The following DESI2 variants were observed in gnomAD, a reference collection of about 807,000 sequenced individuals.
DESI2 encodes the protein desumoylating isopeptidase 2.
DESI2 carries 10 observed loss-of-function variants against 24.1 expected under a neutral mutation model. That is an observed-to-expected ratio of 0.41 (90% CI 0.26 to 0.70). The LOEUF is 0.70. Among genes scored for constraint, DESI2 ranks in the 30% least tolerant of loss-of-function variants. The pLI, the probability that DESI2 is intolerant of heterozygous loss-of-function variation, is 0.29. For synonymous variants in DESI2, 71 were observed against 87.7 expected, an observed-to-expected ratio of 0.81 and a Z score of 1.06; for missense variants, 122 against 234.9, an observed-to-expected ratio of 0.52 and a Z score of 3.14.
intron 1 of DESI2, among the ~76,000 whole-genome samples, chr1:244,654,177 C>T (rs1428522700): frequency 6.6e-6 from 1 of 152,166 alleles, no homozygotes; most frequent in African/African-American, 2.4e-5. Context: ...AAAAAGCACC[C>T]GGTAGAGAAT....
chr1:244,653,584 G>T (rs569390008), intron 1 of DESI2: 2 of 530,600 alleles, frequency 3.8e-6, no homozygotes, highest in Non-Finnish European at 6.5e-6. Context: ...AGCTCGGGTG[G>T]GCTTGAACCT....
rs1675515145 is a variant in DESI2 at position 244,653,159 on chromosome 1, C to T, written c.-155C>T. The T allele has an allele frequency of 8.6e-6, 6 of 697,322 alleles. No homozygotes were observed. The highest frequency in any genetic ancestry group is 4.5e-4 in the Middle Eastern group (1 of 2,226). 43.2% of individuals were successfully genotyped at this position (697,322 alleles called of 1,614,324 possible). A position where few individuals can be genotyped will look rare whatever the true frequency, so the allele number is the denominator to read the frequency against. On this transcript the variant is annotated 5_prime_UTR_variant, in exon 1 of 5. Transcript: ENST00000302550. ...CTGTCGGCGGCGCCCGGGAGCGGCT[C>T]GGCTGCCCGATGCTTCCGCCCCGGC...
intron 1 of DESI2, chr1:244,656,325 TC>T (rs1302944720): frequency 6.6e-6 from 1 of 152,242 alleles, no homozygotes; most frequent in Admixed American, 6.5e-5. Context: ...TTTCTTTTCT[TC>T]CATAACTCTG....
At chr1:244,678,830 GA>G (rs1676502764) in intron 1 of DESI2, among the ~76,000 whole-genome samples, 1 of 152,196 alleles carries the variant, frequency 6.6e-6, no homozygotes, top group Non-Finnish European at 1.5e-5. Context: ...ATCCGGAACA[GA>G]AACCTTTTGG....
At chr1:244,681,679 C>A (rs4328062) in intron 1 of DESI2, among the ~76,000 whole-genome samples, 5 of 152,120 alleles carry the variant, frequency 3.3e-5, no homozygotes, top group African/African-American at 1.2e-4. Context: ...ATGAACAACA[C>A]GTCTCAGTTT....
At chr1:244,693,012 TTC>T (rs1455543910) in intron 4 of DESI2, among the ~76,000 whole-genome samples, 1 of 152,196 alleles carries the variant, frequency 6.6e-6, no homozygotes, top group Non-Finnish European at 1.5e-5. Flanking sequence ...GGGAAGGTAG[TTC>T]TGAGCTTTCT....
At chr1:244,659,212 C>T (rs1675754259) in intron 1 of DESI2, among the ~76,000 whole-genome samples, 1 of 151,784 alleles carries the variant, frequency 6.6e-6, no homozygotes, top group African/African-American at 2.4e-5. Context: ...GTGGGGGAAG[C>T]TAGTATGTAT....
At chr1:244,690,135 A>T (rs1045314010) in intron 3 of DESI2, among the ~76,000 whole-genome samples, 1 of 152,170 alleles carries the variant, frequency 6.6e-6, no homozygotes, top group African/African-American at 2.4e-5. Context: ...TTTGTTACAT[A>T]GGTATCCATG....
At chr1:244,681,471 T>C (rs766438604) in intron 1 of DESI2, among the ~76,000 whole-genome samples, 16 of 151,794 alleles carry the variant, frequency 1.1e-4, no homozygotes, top group Non-Finnish European at 2.4e-4. Flanking sequence ...TCGTGGAAGA[T>C]GATTTTGCCA....
At chr1:244,687,027 A>G (rs1676850384) in intron 2 of DESI2, among the ~76,000 whole-genome samples, 1 of 152,222 alleles carries the variant, frequency 6.6e-6, no homozygotes, top group Admixed American at 6.5e-5. Flanking sequence ...CGAAAATAGC[A>G]TGATAAAAAC....
chr1:244,677,745 C>T (rs1438423437), intron 1 of DESI2, among the ~76,000 whole-genome samples: 1 of 152,052 alleles, frequency 6.6e-6, no homozygotes, highest in Non-Finnish European at 1.5e-5. Flanking sequence ...CGAGACCCTG[C>T]ATCCACAAAA....
rs1676932194 is a variant in DESI2, at chr1:244,689,181, A to G, written c.116-68A>G. 1 of 803,176 alleles carries G rather than the reference A, an allele frequency of 1.2e-6. No individual in the cohort carries two copies. Among genetic ancestry groups the G allele is most frequent in the African/African-American group, 1.7e-5 (1 of 58,130 alleles). 49.8% of individuals were successfully genotyped at this position (803,176 alleles called of 1,614,324 possible). A position where few individuals can be genotyped will look rare whatever the true frequency, so the allele number is the denominator to read the frequency against. On this transcript the variant is annotated intron_variant, in intron 2 of 4. Transcript: ENST00000302550. This position sits in a 1 kb window ranked among gnomAD's most constrained non-coding sequence, Gnocchi z 4.0. The stretch of plus-strand genomic sequence containing the variant: ...TGTCACTGTTATCCTCAATTATTAA[A>G]GCTAATTCAGCATTCTGGTTAAATT...
chr1:244,699,169 A>G lies in DESI2; in HGVS notation c.352-6387A>G, dbSNP rs111430713. The stretch of plus-strand genomic sequence containing the variant: ...AATGATGCTATAGGCCACTTACTAA[A>G]TGAATGATCAGGAGGAAAGCAGTGA... On this transcript the variant is annotated intron_variant, in intron 4 of 4. Coordinates refer to ENST00000302550, the MANE Select transcript of DESI2 (RefSeq NM_016076.5). 4.6e-5 allele frequency among the ~76,000 whole-genome samples: 7 copies of G among 152,334 alleles called. 1 individual carries two copies. In the East Asian group the frequency reaches 1.3e-3, roughly 29 times the overall value.
At chr1:244,653,398 G>A (rs781367493) in intron 1 of DESI2, 43 bp downstream of exon 1, 5 of 1,534,600 alleles carry the variant, frequency 3.3e-6, no homozygotes, top group Non-Finnish European at 4.4e-6. Context: ...GCCCAGGCCG[G>A]CTTCCTCTCG....
chr1:244,698,128 T>C (rs1021242582), intron 4 of DESI2, among the ~76,000 whole-genome samples: 1 of 152,222 alleles, frequency 6.6e-6, no homozygotes, highest in African/African-American at 2.4e-5. Context: ...TAGAAGTTGA[T>C]GTAAAATGTT....
rs1318007420 is a variant in DESI2 at position 244,653,234 on chromosome 1, C to T, written c.-80C>T. 13 of 1,398,040 alleles carry T rather than the reference C, an allele frequency of 9.3e-6. No homozygotes were observed. Among genetic ancestry groups the T allele is most frequent in the African/African-American group, 1.5e-5 (1 of 66,222 alleles). 86.6% of individuals were successfully genotyped at this position (1,398,040 alleles called of 1,614,324 possible). On this transcript the variant is annotated 5_prime_UTR_variant, in exon 1 of 5. Coordinates refer to ENST00000302550, the MANE Select transcript of DESI2 (RefSeq NM_016076.5). ...AGTGCCCGGCTCAGGCCCCCTGAAGCGCCCGCGGGGGTGAGAGCGGCCTCC... is the reference window on the plus strand; with the variant it reads ...AGTGCCCGGCTCAGGCCCCCTGAAGTGCCCGCGGGGGTGAGAGCGGCCTCC...
chr1:244,695,819 C>A (rs1412563456), intron 4 of DESI2, among the ~76,000 whole-genome samples: 1 of 152,124 alleles, frequency 6.6e-6, no homozygotes, highest in Non-Finnish European at 1.5e-5. Flanking sequence ...GCTGTTGCCC[C>A]GGCTGGGGTG....
Position 244,691,922 on chromosome 1 carries a change from A to G in DESI2, c.253A>G (p.Ile85Val). ...GAGCACGGACTTCCTAGAAGATGATATAGAAAAAATTGTAGAAGAACTGGG... is the reference window on the plus strand; with the variant it reads ...GAGCACGGACTTCCTAGAAGATGATGTAGAAAAAATTGTAGAAGAACTGGG... ...LGSTDFLEDD[I>V]EKIVEELGKE... The change falls in exon 4 of 5, where the codon ATA (isoleucine) becomes GTA (valine). Residue 85 changes from isoleucine to valine, a missense_variant. Physicochemically the swap from Ile to Val is conservative, Grantham distance 29. Transcript: ENST00000302550. The G allele has an allele frequency of 1.2e-6, 2 of 1,600,738 alleles. No homozygotes were observed. Among genetic ancestry groups the G allele is most frequent in the Non-Finnish European group, 1.7e-6 (2 of 1,177,180 alleles).
chr1:244,662,594 A>G (rs1232121932), intron 1 of DESI2, among the ~76,000 whole-genome samples: 13 of 152,204 alleles, frequency 8.5e-5, no homozygotes, highest in African/African-American at 2.4e-5. Flanking sequence ...TAAACTGTCT[A>G]TTAAACAGAA....
Sources: gnomAD v4.1 joint callset for allele counts (sites outside exome capture counted in the v4.1 genomes callset) on GRCh38, gnomAD v4.1.1 for gene constraint, Gnocchi (gnomAD v3.1) non-coding constraint, MANE v1.5 for transcripts, NCBI Gene and HGNC (gene_info 2026-07-23, HGNC 2026-07-21) for gene names.